The following TSC1 variants were observed in gnomAD, a reference collection of about 807,000 sequenced individuals.
TSC1 encodes TSC complex subunit 1.
In TSC1, 20 loss-of-function variants were observed where a neutral mutation model predicts 124.3. That is an observed-to-expected ratio of 0.16 (90% CI 0.11 to 0.23). The LOEUF is 0.23. TSC1 is among the 10% of genes least tolerant of loss of function. The pLI is 1.00. For missense variants in TSC1, 1,124 were observed against 1,448.5 expected (o/e 0.78, Z 3.64); for synonymous variants, 493 against 539.1 (o/e 0.91, Z 1.19).
intron 12 of TSC1, among the ~76,000 whole-genome samples, chr9:132,907,724 AG>A (rs1328187581): frequency 1.3e-5 from 2 of 152,196 alleles, no homozygotes; most frequent in Non-Finnish European, 2.9e-5. Flanking sequence ...TCCCAACCTC[AG>A]ATGATCTGCC....
rs113549339 is a variant in TSC1, at chr9:132,895,940, G to T, written c.*295C>A. On this transcript the variant is annotated 3_prime_UTR_variant, in exon 23 of 23. Transcript: ENST00000298552. ...CAGGTTCAAAGGACGCAACCATTTG[G>T]GGGGGAAAGGAAGAAAGTAAAGCTA... 293 of 459,098 alleles carry T rather than the reference G, an allele frequency of 6.4e-4. No individual in the cohort carries two copies. The highest frequency in any genetic ancestry group is 3.7e-3 in the African/African-American group (187 of 50,310). 28.4% of individuals were successfully genotyped at this position (459,098 alleles called of 1,614,324 possible).
rs765643529 is a variant in TSC1, at chr9:132,902,742, C to A, written c.2254G>T (p.Val752Phe). 1 of 1,614,080 alleles carries A rather than the reference C, an allele frequency of 6.2e-7. No homozygotes were observed. Among genetic ancestry groups the A allele is most frequent in the Non-Finnish European group, 8.5e-7 (1 of 1,180,042 alleles). ...LQEKDIQMWKVSLQKEQARYN... is the reference protein window; with the variant it reads ...LQEKDIQMWKFSLQKEQARYN... The stretch of plus-strand genomic sequence containing the variant: ...CTAGCTTGTTCTTTCTGCAGACTAA[C>A]CTTCCACATCTGGATGTCCTTCTCT... The change falls in exon 18 of 23, where the codon GTT becomes TTT. Residue 752 changes from valine (V) to phenylalanine (F), a missense_variant. By Grantham distance (50) the Val-to-Phe change is conservative (BLOSUM62 -1). This residue lies in a region of TSC1 where 321 missense variants were observed against 397.4 expected (regional missense o/e 0.81). Coordinates refer to ENST00000298552, the MANE Select transcript of TSC1 (RefSeq NM_000368.5). This position sits in a 1 kb window ranked among gnomAD's most constrained non-coding sequence, Gnocchi z 5.2.
In TSC1 at chr9:132,902,930, C is replaced by A; in HGVS notation, c.2209-143G>T. ...AGACCAAAACTCTTAGAGCTCACTA[C>A]TGTCTTACTTGGCCTTAGGTCAAGG... is the stretch of plus-strand genomic sequence containing the variant. On this transcript the variant is annotated intron_variant, in intron 17 of 22. Transcript: ENST00000298552. This position sits in a 1 kb window ranked among gnomAD's most constrained non-coding sequence, Gnocchi z 5.2. The A allele has an allele frequency of 1.8e-6, 2 of 1,086,052 alleles. No individual in the cohort carries two copies. Among genetic ancestry groups the A allele is most frequent in the South Asian group, 1.3e-5 (1 of 76,936 alleles). 67.3% of individuals were successfully genotyped at this position (1,086,052 alleles called of 1,614,324 possible).
intron 8 of TSC1, among the ~76,000 whole-genome samples, chr9:132,915,369 C>T (rs1009778526): frequency 2.0e-5 from 3 of 152,048 alleles, no homozygotes; most frequent in African/African-American, 4.8e-5. Context: ...ATAATATAAT[C>T]TTAAAAGAAA....
rs876660132 is a variant in TSC1, at chr9:132,896,434, T to C, written c.3296A>G (p.Lys1099Arg). The stretch of plus-strand genomic sequence containing the variant: ...GTCCTCATCACACTGGCTCTCGCTC[T>C]TATTACGAAATAACTCTCGAGCCTT... ...GMKARELFRN[K>R]SESQCDEDGM... Residue 1099 changes from lysine (K) to arginine (R), a missense_variant, in exon 23 of 23, where the codon AAG becomes AGG. This residue lies in a region of TSC1 where 325 missense variants were observed against 383.4 expected (regional missense o/e 0.85). Transcript: ENST00000298552. This position sits in a 1 kb window ranked among gnomAD's most constrained non-coding sequence, Gnocchi z 4.5. 15 of 1,614,226 alleles carry C rather than the reference T, an allele frequency of 9.3e-6. No individual in the cohort carries two copies. Among genetic ancestry groups the C allele is most frequent in the African/African-American group, 2.7e-5 (2 of 75,054 alleles).
rs1845434803 is a variant in TSC1, at chr9:132,902,517, C to G, written c.2391+88G>C. On this transcript the variant is annotated intron_variant, in intron 18 of 22. Transcript: ENST00000298552. The surrounding 1 kb of genome is among the most constrained non-coding windows in gnomAD (Gnocchi z 5.2). The stretch of plus-strand genomic sequence containing the variant: ...TTCAGCTTAGTAAAGCTGAACAAGT[C>G]AAGGACACCCAGGGAAACTGACTGC... 1.3e-6 allele frequency: 2 copies of G among 1,509,696 alleles called. No homozygotes were observed. Among genetic ancestry groups the G allele is most frequent in the East Asian group, 2.3e-5 (1 of 44,360 alleles). 93.5% of individuals were successfully genotyped at this position (1,509,696 alleles called of 1,614,324 possible). A position where few individuals can be genotyped will look rare whatever the true frequency, so the allele number is the denominator to read the frequency against.
rs1444862194 is a variant in TSC1 at position 132,894,164 on chromosome 9, G to C, written c.*2071C>G. The C allele has an allele frequency of 4.3e-6, 1 of 233,352 alleles. No individual in the cohort carries two copies. Among genetic ancestry groups the C allele is most frequent in the African/African-American group, 2.2e-5 (1 of 45,318 alleles). 14.5% of individuals were successfully genotyped at this position (233,352 alleles called of 1,614,324 possible). On this transcript the variant is annotated 3_prime_UTR_variant, in exon 23 of 23. Transcript: ENST00000298552. ...CACGTCCATGGAGCTTCTAGCACAGGCCTCTCTCCATGCTGCCTCCTTTCT... is the reference window on the plus strand; with the variant it reads ...CACGTCCATGGAGCTTCTAGCACAGCCCTCTCTCCATGCTGCCTCCTTTCT...
chr9:132,930,054 A>G (rs1033251645), intron 2 of TSC1, among the ~76,000 whole-genome samples: 2 of 152,206 alleles, frequency 1.3e-5, no homozygotes, highest in Non-Finnish European at 1.5e-5. Context: ...CCCAAAAAGG[A>G]TAACACTTCC....
chr9:132,901,940 A>C, intron 18 of TSC1: 1 of 495,184 alleles, frequency 2.0e-6, no homozygotes, highest in Non-Finnish European at 3.6e-6. Context: ...CTGTGCACCA[A>C]AGAGCCCTGA....
intron 1 of TSC1, among the ~76,000 whole-genome samples, chr9:132,938,484 G>C (rs368813773): frequency 1.3e-5 from 2 of 152,360 alleles, no homozygotes; most frequent in East Asian, 3.9e-4. Flanking sequence ...ATGTAGGTTT[G>C]AGGAAGAAGA....
chr9:132,924,781 T>C (rs1411047820), intron 5 of TSC1: 1 of 152,222 alleles, frequency 6.6e-6, no homozygotes, highest in Non-Finnish European at 1.5e-5. Context: ...CATGTTTTTA[T>C]AATACCCTGC....
chr9:132,899,821 C>T (rs1437526585), intron 20 of TSC1: 1 of 152,204 alleles, frequency 6.6e-6, no homozygotes, highest in Non-Finnish European at 1.5e-5. Context: ...ATGGCCCAGG[C>T]ACGTTTCAGC....
At position 132,923,197 on chromosome 9, in the gene TSC1, G is replaced by A; in HGVS notation, c.508+151C>T. On this transcript the variant is annotated intron_variant, in intron 6 of 22. Coordinates refer to ENST00000298552, the MANE Select transcript of TSC1 (RefSeq NM_000368.5). The surrounding 1 kb of genome is among the most constrained non-coding windows in gnomAD (Gnocchi z 4.2). ...TTTCTTCTATGTGCCTGTAGTGGAT[G>A]CACCCAAGATATTCCCTCATCTGTC... The A allele has an allele frequency of 9.3e-7, 1 of 1,080,472 alleles. No individual in the cohort carries two copies. The highest frequency in any genetic ancestry group is 1.7e-5 in the South Asian group (1 of 59,278). The allele number at this position is 1,080,472 out of a possible 1,614,324, so 66.9% of individuals were successfully genotyped here. A position where few individuals can be genotyped will look rare whatever the true frequency, so the allele number is the denominator to read the frequency against.
intron 9 of TSC1, among the ~76,000 whole-genome samples, chr9:132,911,915 C>A (rs1845987746): frequency 6.6e-6 from 1 of 152,174 alleles, no homozygotes; most frequent in South Asian, 2.1e-4. Flanking sequence ...ATTGTTCCGA[C>A]TCATTCAAAC....
At chr9:132,925,247 A>G (rs1846788069) in intron 5 of TSC1, among the ~76,000 whole-genome samples, 1 of 152,230 alleles carries the variant, frequency 6.6e-6, no homozygotes. Context: ...GCTAAAAGAT[A>G]ATTTAGAAAC....
At chr9:132,927,563 G>GC (rs1846951920) in intron 3 of TSC1, among the ~76,000 whole-genome samples, 1 of 108,192 alleles carries the variant, frequency 9.2e-6, no homozygotes, top group African/African-American at 3.6e-5. Context: ...TCACTCTGTT[G>GC]CCAGGCTGGA....
intron 8 of TSC1, 99 bp from the exon 9 acceptor site, chr9:132,912,556 AAAG>A (rs1411640303): frequency 9.8e-6 from 14 of 1,423,826 alleles, no homozygotes; most frequent in Non-Finnish European, 1.4e-5. Context: ...CTCTGATAGC[AAAG>A]AACAAGCGGG....
intron 8 of TSC1, among the ~76,000 whole-genome samples, chr9:132,914,435 G>C (rs1846154990): frequency 6.6e-6 from 1 of 151,904 alleles, no homozygotes; most frequent in African/African-American, 2.4e-5. Flanking sequence ...CAGAAGTGGG[G>C]GAAGAGACAC....
chr9:132,925,508 T>C, intron 5 of TSC1, 79 bp downstream of exon 5: 1 of 1,569,832 alleles, frequency 6.4e-7, no homozygotes, highest in Non-Finnish European at 8.7e-7. Context: ...AAAATCTAGC[T>C]TCCTTGCTTT....
Sources: allele counts gnomAD v4.1 joint callset (sites outside exome capture counted in the v4.1 genomes callset), GRCh38; gene constraint gnomAD v4.1.1; regional missense constraint gnomAD v4.1.1; non-coding constraint Gnocchi (gnomAD v3.1); transcripts MANE v1.5; gene names NCBI Gene and HGNC (gene_info 2026-07-23, HGNC 2026-07-21).